The following ABCB5 variants were observed in gnomAD, a reference collection of about 807,000 sequenced individuals.
ABCB5 encodes ATP-binding cassette sub-family B member 5.
In ABCB5, 155 loss-of-function variants were observed where a neutral mutation model predicts 144.2. The ratio of observed to expected loss-of-function variants is 1.08; its 90% CI spans 0.94 to 1.23. The LOEUF (loss-of-function observed/expected upper bound fraction) is 1.23, where lower values mean the gene tolerates loss of function less well. Among genes scored for constraint, ABCB5 ranks in the 50% most tolerant of loss-of-function variants. The pLI is 0.00. For synonymous variants in ABCB5, 610 were observed against 528.6 expected, an observed-to-expected ratio of 1.15 and a Z score of -2.11; for missense variants, 1,830 against 1,520.8, an observed-to-expected ratio of 1.20 and a Z score of -3.38.
chr7:20,702,433 A>G (rs1171594157), intron 19 of ABCB5, among the ~76,000 whole-genome samples: 1 of 152,126 alleles, frequency 6.6e-6, no homozygotes, highest in Non-Finnish European at 1.5e-5. Context: ...GAGCATGAGA[A>G]ACAGGTCATG....
At chr7:20,717,755 A>T (rs1781723266) in intron 20 of ABCB5, among the ~76,000 whole-genome samples, 1 of 150,678 alleles carries the variant, frequency 6.6e-6, no homozygotes, top group Non-Finnish European at 1.5e-5. Context: ...CTCTTCTTAC[A>T]AGAATATCTA....
At chr7:20,740,235 C>T (rs1311497223) in intron 24 of ABCB5, among the ~76,000 whole-genome samples, 1 of 151,982 alleles carries the variant, frequency 6.6e-6, no homozygotes, top group Non-Finnish European at 1.5e-5. Context: ...GCGAGACTTG[C>T]TCTCAAAAAT....
chr7:20,635,387 C>CTTT (rs71020650), intron 5 of ABCB5, among the ~76,000 whole-genome samples: 2 of 142,858 alleles, frequency 1.4e-5, no homozygotes, highest in East Asian at 4.0e-4. Context: ...GTTATAAAGG[C>CTTT]TTTTTTTTTT....
intron 14 of ABCB5, among the ~76,000 whole-genome samples, chr7:20,673,172 C>T (rs1398924480): frequency 1.3e-5 from 2 of 152,014 alleles, no homozygotes; most frequent in Admixed American, 6.5e-5. Flanking sequence ...TATTAAGAGT[C>T]GTTTTATGGC....
chr7:20,640,842 T>C (rs1018592102), intron 5 of ABCB5, among the ~76,000 whole-genome samples: 1 of 152,202 alleles, frequency 6.6e-6, no homozygotes, highest in Non-Finnish European at 1.5e-5. Flanking sequence ...GCTTGGTACT[T>C]CACTCTCCTG....
chr7:20,753,286 G>A, intron 26 of ABCB5, 74 bp from the exon 27 acceptor site: 2 of 1,510,734 alleles, frequency 1.3e-6, no homozygotes, highest in Middle Eastern at 1.8e-4. Flanking sequence ...ATATTTAGAT[G>A]GTTCTCGCCC....
At chr7:20,674,986 A>T (rs186646782) in intron 14 of ABCB5, among the ~76,000 whole-genome samples, 188 of 152,082 alleles carry the variant, frequency 1.2e-3, no homozygotes, top group African/African-American at 4.4e-3. Flanking sequence ...ATAACCATTG[A>T]TGAAAAAATT....
intron 15 of ABCB5, 120 bp from the exon 16 acceptor site, chr7:20,685,576 A>G (rs1785966454): frequency 8.1e-6 from 7 of 861,524 alleles, no homozygotes; most frequent in African/African-American, 3.5e-5. Flanking sequence ...AGCAAGAACT[A>G]CATTAGAATA....
Position 20,704,075 on chromosome 7 carries a change from C to CTTTTTTTTTTTTTTTTTTTTTTTTTT in ABCB5, c.2338-633_2338-632insTTTTTTTTTTTTTTTTTTTTTTTTTT, listed in dbSNP as rs71020669. ...CTAAATTGTGTTGTTTATTGCCTTC[C>CTTTTTTTTTTTTTTTTTTTTTTTTTT]TTTTTTTTTTTTTTTTGTGAGACAG... On this transcript the variant is annotated intron_variant, in intron 19 of 27. Coordinates refer to ENST00000404938, the MANE Select transcript of ABCB5 (RefSeq NM_001163941.2). Among the ~76,000 whole-genome samples, 9 of 80,756 alleles carry CTTTTTTTTTTTTTTTTTTTTTTTTTT rather than the reference C, an allele frequency of 1.1e-4. 2 individuals carry two copies. Among genetic ancestry groups the CTTTTTTTTTTTTTTTTTTTTTTTTTT allele is most frequent in the Non-Finnish European group, 1.9e-4 (9 of 46,380 alleles). The allele number at this position is 80,756 out of a possible 152,430, so 53.0% of individuals were successfully genotyped here. A position where few individuals can be genotyped will look rare whatever the true frequency, so the allele number is the denominator to read the frequency against.
intron 13 of ABCB5, among the ~76,000 whole-genome samples, chr7:20,653,186 T>C (rs903737869): frequency 3.3e-5 from 5 of 152,222 alleles, no homozygotes; most frequent in South Asian, 2.1e-4. Context: ...TGTAAGTTAC[T>C]ACTTGCTTTT....
intron 19 of ABCB5, among the ~76,000 whole-genome samples, chr7:20,701,635 G>C (rs1261193916): frequency 2.0e-5 from 3 of 152,058 alleles, no homozygotes; most frequent in Non-Finnish European, 4.4e-5. Flanking sequence ...GTGAATATTA[G>C]GACTGTAACA....
At chr7:20,690,359 A>C (rs143955295) in intron 16 of ABCB5, among the ~76,000 whole-genome samples, 23 of 152,326 alleles carry the variant, frequency 1.5e-4, no homozygotes, top group African/African-American at 5.3e-4. Context: ...TCACAACTTT[A>C]GGTTACTTGT....
Position 20,632,112 on chromosome 7 carries a change from CTG to C in ABCB5, c.314+1_314+2del, listed in dbSNP as rs1784052692. On this transcript the variant is annotated splice_donor_variant and coding_sequence_variant, in exon 5 of 28. Coordinates refer to ENST00000404938, the MANE Select transcript of ABCB5 (RefSeq NM_001163941.2). LOFTEE classifies it high-confidence loss of function. ...AGAGAAGCTGAATGAAGATATGACT[CTG>C]TAAGTCCAAATGAAACGTTAATATC... The C allele has an allele frequency of 1.3e-6, 2 of 1,513,168 alleles. No individual in the cohort carries two copies. Among genetic ancestry groups the C allele is most frequent in the South Asian group, 2.6e-5 (2 of 78,038 alleles). 93.7% of individuals were successfully genotyped at this position (1,513,168 alleles called of 1,614,324 possible).
At chr7:20,659,394 G>T (rs531432010) in intron 14 of ABCB5, 8 of 1,185,354 alleles carry the variant, frequency 6.7e-6, no homozygotes, top group Admixed American at 4.3e-5. Context: ...TGAGTTAAGC[G>T]TTTTTTTTTC....
At position 20,709,997 on chromosome 7, in the gene ABCB5, C is replaced by G. The variant is rs1019644506; in HGVS notation, c.2421+5190C>G. The stretch of plus-strand genomic sequence containing the variant: ...GGCTGAAGGAAGAGAATCGCTTGAA[C>G]CCGGGAGGTGGAGGCCAAGACCATG... On this transcript the variant is annotated intron_variant, in intron 20 of 27. Coordinates refer to ENST00000404938, the MANE Select transcript of ABCB5 (RefSeq NM_001163941.2). 3.4e-5 allele frequency among the ~76,000 whole-genome samples: 5 copies of G among 148,074 alleles called. No individual in the cohort carries two copies. In the East Asian group the frequency reaches 8.1e-4, roughly 24 times the overall value.
intron 24 of ABCB5, among the ~76,000 whole-genome samples, chr7:20,742,007 C>T (rs142356583): frequency 6.7e-6 from 1 of 149,724 alleles, no homozygotes; most frequent in Non-Finnish European, 1.5e-5. Flanking sequence ...AATCATTAAC[C>T]AGTAAAGAGA....
intron 5 of ABCB5, among the ~76,000 whole-genome samples, chr7:20,640,655 G>T (rs1294807743): frequency 6.6e-6 from 1 of 152,158 alleles, no homozygotes; most frequent in Admixed American, 6.5e-5. Context: ...AGAAGGCAGA[G>T]TACGTGTGCA....
intron 1 of ABCB5, among the ~76,000 whole-genome samples, chr7:20,618,772 T>TC (rs1583370658): frequency 8.0e-6 from 1 of 124,244 alleles, no homozygotes; most frequent in Admixed American, 8.1e-5. Flanking sequence ...TTCTTTTTTT[T>TC]TTTTTTTTTT....
intron 24 of ABCB5, 26 bp from the exon 25 acceptor site, chr7:20,742,851 T>C (rs12669866): frequency 0.55 from 879,739 of 1,609,922 alleles, 242,675 homozygotes; most frequent in East Asian, 0.69. Context: ...GTCATTCTTC[T>C]CAACTCTGTC....
Sources: allele counts gnomAD v4.1 joint callset (sites outside exome capture counted in the v4.1 genomes callset), GRCh38; gene constraint gnomAD v4.1.1; transcripts MANE v1.5; gene names NCBI Gene and HGNC (gene_info 2026-07-23, HGNC 2026-07-21).